TAFA4: variants seen among roughly 807,000 people sequenced by gnomAD.
The protein encoded by TAFA4 is chemokine-like protein TAFA-4.
In TAFA4, 20 loss-of-function variants were observed where a neutral mutation model predicts 21.1. That is an observed-to-expected ratio of 0.95 (90% CI 0.67 to 1.38). The LOEUF is 1.38. Ranked by LOEUF, TAFA4 falls within the 40% of genes most tolerant of loss-of-function variation. TAFA4 has a pLI of 0.00. For missense variants in TAFA4, 211 were observed against 180.9 expected (o/e 1.17, Z -0.95); for synonymous variants, 71 against 67.4 (o/e 1.05, Z -0.26).
intron 3 of TAFA4, among the ~76,000 whole-genome samples, chr3:68,790,139 T>C (rs1027694225): frequency 1.3e-5 from 2 of 152,190 alleles, no homozygotes; most frequent in African/African-American, 4.8e-5. Flanking sequence ...TATATAATTA[T>C]CATATAAAGG....
At chr3:68,910,003 G>T (rs961634908) in intron 1 of TAFA4, among the ~76,000 whole-genome samples, 20 of 152,116 alleles carry the variant, frequency 1.3e-4, no homozygotes, top group African/African-American at 4.8e-4. Context: ...GAGCTTCAGG[G>T]GTTTTTGCTG....
chr3:68,911,942 C>T (rs778024201), intron 1 of TAFA4, among the ~76,000 whole-genome samples: 3 of 152,162 alleles, frequency 2.0e-5, no homozygotes, highest in Non-Finnish European at 2.9e-5. Context: ...CACACCTCAC[C>T]TCCGAAGCAT....
chr3:68,912,441 CATTA>C (rs1158496915), intron 1 of TAFA4, among the ~76,000 whole-genome samples: 6 of 152,204 alleles, frequency 3.9e-5, no homozygotes, highest in Non-Finnish European at 5.9e-5. Context: ...AAAACAGGAA[CATTA>C]ATTTGAAATG....
chr3:68,901,706 T>C (rs1365110576), intron 1 of TAFA4, among the ~76,000 whole-genome samples: 1 of 152,196 alleles, frequency 6.6e-6, no homozygotes, highest in Non-Finnish European at 1.5e-5. Context: ...TGAATAGCAC[T>C]AGATCCTTGA....
intron 3 of TAFA4, among the ~76,000 whole-genome samples, chr3:68,822,338 G>A (rs548297020): frequency 1.3e-5 from 2 of 152,326 alleles, no homozygotes; most frequent in South Asian, 2.1e-4. Context: ...GCTCAGTTGT[G>A]TGTCCTGCTG....
intron 3 of TAFA4, among the ~76,000 whole-genome samples, chr3:68,774,207 T>C (rs4855506): frequency 0.14 from 20,859 of 152,070 alleles, 1,986 homozygotes; most frequent in East Asian, 0.31. Flanking sequence ...TCAATAGCAA[T>C]AAAAACCTGG....
At position 68,751,956 on chromosome 3, in the gene TAFA4, A is replaced by T. The variant is rs543229452; in HGVS notation, c.286+907T>A. 5.3e-5 allele frequency among the ~76,000 whole-genome samples: 8 copies of T among 152,354 alleles called. No homozygotes were observed. In the South Asian group the frequency reaches 1.0e-3, roughly 20 times the overall value. ...CACTTTCCTGTTTTAAAGGTGGCTC[A>T]GATGGTGCTGATGTATACCACTGTA... On this transcript the variant is annotated intron_variant, in intron 4 of 5. Transcript: ENST00000295569.
intron 3 of TAFA4, among the ~76,000 whole-genome samples, chr3:68,872,673 T>A (rs1179513299): frequency 6.6e-6 from 1 of 152,138 alleles, no homozygotes; most frequent in Admixed American, 6.6e-5. Flanking sequence ...CCCAAAGATA[T>A]GCACAACTAT....
At chr3:68,891,496 G>A (rs534242649) in intron 1 of TAFA4, among the ~76,000 whole-genome samples, 22 of 152,262 alleles carry the variant, frequency 1.4e-4, no homozygotes, top group African/African-American at 2.2e-4. Context: ...GGGATCTACC[G>A]GGATAGCCTG....
chr3:68,898,775 A>G (rs1046535785), intron 1 of TAFA4, among the ~76,000 whole-genome samples: 11 of 152,228 alleles, frequency 7.2e-5, no homozygotes, highest in African/African-American at 2.4e-4. Context: ...TGTTTTGTTT[A>G]CATCTCTGTT....
intron 3 of TAFA4, among the ~76,000 whole-genome samples, chr3:68,841,946 T>C (rs983556833): frequency 1.3e-5 from 2 of 152,208 alleles, no homozygotes; most frequent in Non-Finnish European, 2.9e-5. Flanking sequence ...CAGTCTATCA[T>C]TGATGAGTAT....
intron 3 of TAFA4, among the ~76,000 whole-genome samples, chr3:68,755,449 T>G (rs1236244799): frequency 6.6e-6 from 1 of 152,158 alleles, no homozygotes; most frequent in Non-Finnish European, 1.5e-5. Context: ...GCTCCATGTG[T>G]CAGTTCTAGG....
intron 3 of TAFA4, among the ~76,000 whole-genome samples, chr3:68,775,047 C>T (rs1650360572): frequency 6.6e-6 from 1 of 152,084 alleles, no homozygotes; most frequent in African/African-American, 2.4e-5. Flanking sequence ...GAAGTAAATT[C>T]CAAAGGATGT....
At chr3:68,752,744 G>T in intron 4 of TAFA4, 119 bp downstream of exon 4, 2 of 1,191,278 alleles carry the variant, frequency 1.7e-6, no homozygotes, top group Non-Finnish European at 2.4e-6. Flanking sequence ...TTTTTGGATT[G>T]ACACTGATCT....
chr3:68,903,967 T>G (rs2089870971), intron 1 of TAFA4, among the ~76,000 whole-genome samples: 1 of 151,638 alleles, frequency 6.6e-6, no homozygotes, highest in African/African-American at 2.4e-5. Flanking sequence ...TTCCAGAAGT[T>G]GGAAAGAAAA....
intron 2 of TAFA4, among the ~76,000 whole-genome samples, chr3:68,884,957 T>C (rs1296704353): frequency 6.6e-6 from 1 of 152,226 alleles, no homozygotes; most frequent in Non-Finnish European, 1.5e-5. Flanking sequence ...CTTCATTTTT[T>C]CCTCTACTGA....
At chr3:68,842,490 G>A (rs1168580737) in intron 3 of TAFA4, among the ~76,000 whole-genome samples, 3 of 152,114 alleles carry the variant, frequency 2.0e-5, no homozygotes, top group Non-Finnish European at 2.9e-5. Flanking sequence ...CCATTCTGTA[G>A]GTTGCCTATT....
chr3:68,843,489 C>T (rs995257621), intron 3 of TAFA4, among the ~76,000 whole-genome samples: 1 of 152,130 alleles, frequency 6.6e-6, no homozygotes, highest in Non-Finnish European at 1.5e-5. Flanking sequence ...TTCCTTTCTC[C>T]CTATTTGAAT....
At chr3:68,737,828 T>C (rs1262312391) in intron 5 of TAFA4, among the ~76,000 whole-genome samples, 1 of 152,154 alleles carries the variant, frequency 6.6e-6, no homozygotes, top group Non-Finnish European at 1.5e-5. Flanking sequence ...ATTCACTGTA[T>C]GTACTTCCTA....
Sources: allele counts gnomAD v4.1 joint callset (sites outside exome capture counted in the v4.1 genomes callset), GRCh38; gene constraint gnomAD v4.1.1; transcripts MANE v1.5; gene names NCBI Gene and HGNC (gene_info 2026-07-23, HGNC 2026-07-21).